The following CEACAM20 variants were observed in gnomAD, a reference collection of about 807,000 sequenced individuals.
The protein encoded by CEACAM20 is CEA cell adhesion molecule 20.
In CEACAM20, 50 loss-of-function variants were observed where a neutral mutation model predicts 61.2. The observed-to-expected ratio is 0.82, with a 90% CI of 0.65 to 1.03. The LOEUF (loss-of-function observed/expected upper bound fraction) is 1.03. Ranked by LOEUF, CEACAM20 falls within the 50% of genes least tolerant of loss-of-function variation. The probability of loss-of-function intolerance (pLI) is 0.00; values close to 1 mark genes in which losing one functional copy is unlikely to be tolerated. For synonymous variants in CEACAM20, 282 were observed against 287.7 expected, an observed-to-expected ratio of 0.98 and a Z score of 0.20; for missense variants, 683 against 736.4, an observed-to-expected ratio of 0.93 and a Z score of 0.84.
In CEACAM20 at chr19:44,524,088, T is replaced by C; in HGVS notation, c.370A>G (p.Thr124Ala). 3.1e-6 allele frequency: 5 copies of C among 1,596,292 alleles called. No individual in the cohort carries two copies. In the South Asian group the frequency reaches 5.7e-5, roughly 18 times the overall value. The change falls in exon 3 of 12, where the codon ACC (threonine) becomes GCC (alanine). Residue 124 changes from threonine to alanine, a missense_variant. Coordinates refer to ENST00000614924, the MANE Select transcript of CEACAM20 (RefSeq NM_001102597.3). ...MQLSKDGKILTILIVQREDSG... is the reference protein window; with the variant it reads ...MQLSKDGKILAILIVQREDSG... ...TCCTCCCGCTGGACAATGAGAATGG[T>C]GAGGATCTTGCCATCCTTGGACAGC... is the stretch of plus-strand genomic sequence containing the variant.
chr19:44,509,325 G>A, intron 11 of CEACAM20, among the ~76,000 whole-genome samples: 1 of 149,210 alleles, frequency 6.7e-6, no homozygotes, highest in South Asian at 2.1e-4. Flanking sequence ...TAGAAGGAAA[G>A]TATAACATTA....
At chr19:44,512,149 G>T (rs2123563828) in intron 8 of CEACAM20, 71 bp from the exon 9 acceptor site, 1 of 1,123,572 alleles carries the variant, frequency 8.9e-7, no homozygotes, top group Non-Finnish European at 1.3e-6. Flanking sequence ...GTTTTTCCAG[G>T]ACCCCTGACC....
chr19:44,514,879 G>T (rs1040366937), intron 6 of CEACAM20, among the ~76,000 whole-genome samples: 4 of 151,834 alleles, frequency 2.6e-5, no homozygotes, highest in Non-Finnish European at 5.9e-5. Context: ...GCAGTGGCAC[G>T]ATCTTGGCTC....
rs1264137632 is a variant in CEACAM20, at chr19:44,512,067, G to A, written c.1525C>T (p.Pro509Ser). 1.2e-6 allele frequency: 2 copies of A among 1,607,904 alleles called. No individual in the cohort carries two copies. Among genetic ancestry groups the A allele is most frequent in the African/African-American group, 1.3e-5 (1 of 74,878 alleles). The part of the protein sequence containing the change: ...PTEPSSESLS[P>S]EYRNISQLQG... ...AGCTGGGATATATTGCGATACTCAG[G>A]ACTCAGGCTTTCTAGAAAAAGTGAA... Residue 509 changes from proline to serine, a missense_variant, in exon 9 of 12, where the codon CCT (proline) becomes TCT (serine). Pro to Ser is a moderately conservative substitution (Grantham distance 74). Coordinates refer to ENST00000614924, the MANE Select transcript of CEACAM20 (RefSeq NM_001102597.3).
chr19:44,508,812 C>G (rs754982453), intron 11 of CEACAM20, among the ~76,000 whole-genome samples: 2 of 152,186 alleles, frequency 1.3e-5, no homozygotes, highest in Non-Finnish European at 1.5e-5. Flanking sequence ...TATATTTTTA[C>G]TTTTTACCCA....
Position 44,516,946 on chromosome 19 carries a change from C to T in CEACAM20, c.1309G>A (p.Gly437Ser), listed in dbSNP as rs745849568. 5.3e-5 allele frequency: 84 copies of T among 1,594,604 alleles called. 1 individual carries two copies. The Admixed American group carries it at 1.4e-3, about 27-fold the overall frequency. ...RSTSVLVKVV[G>S]PQSSSLSSGA... ...GAGAAGGCGACCCTGAGAGACTCAC[C>T]TACCACCTTGACCAGGACTGAAGTG... The change falls in exon 6 of 12, where the codon GGT becomes AGT. Residue 437 changes from glycine (G) to serine (S), a missense_variant and splice_region_variant. Gly to Ser is a moderately conservative substitution (Grantham distance 56, BLOSUM62 0). Transcript: ENST00000614924.
At chr19:44,519,288 C>A (rs1057328380) in intron 5 of CEACAM20, among the ~76,000 whole-genome samples, 2 of 152,206 alleles carry the variant, frequency 1.3e-5, no homozygotes, top group Admixed American at 6.5e-5. Flanking sequence ...CCATCCCCAG[C>A]AGGCTGTGAA....
At chr19:44,522,524 C>T (rs979459629) in intron 4 of CEACAM20, 110 bp downstream of exon 4, 3 of 1,170,398 alleles carry the variant, frequency 2.6e-6, no homozygotes, top group Non-Finnish European at 3.6e-6. Context: ...GGGATTTCTC[C>T]CTCACACAGT....
chr19:44,520,310 C>T (rs1971314198), intron 5 of CEACAM20, among the ~76,000 whole-genome samples, 164 bp downstream of exon 5: 1 of 152,254 alleles, frequency 6.6e-6, no homozygotes, highest in African/African-American at 2.4e-5. Context: ...TCCACTAGAA[C>T]ATAAGCCCCC....
intron 11 of CEACAM20, among the ~76,000 whole-genome samples, chr19:44,507,325 C>G (rs1305648128): frequency 6.6e-6 from 1 of 152,128 alleles, no homozygotes. Context: ...AAGTTTTTAC[C>G]AGTTCAAAGC....
intron 11 of CEACAM20, among the ~76,000 whole-genome samples, chr19:44,507,200 A>T (rs1226490784): frequency 6.6e-6 from 1 of 152,186 alleles, no homozygotes; most frequent in African/African-American, 2.4e-5. Flanking sequence ...CTAATGAGAT[A>T]TAAGAGGAAG....
intron 2 of CEACAM20, among the ~76,000 whole-genome samples, chr19:44,524,768 A>G (rs978297499): frequency 6.6e-6 from 1 of 151,968 alleles, no homozygotes; most frequent in Non-Finnish European, 1.5e-5. Context: ...TTTTGTACAC[A>G]TGGGGTCCCC....
At chr19:44,513,380 G>C (rs1199980092) in intron 6 of CEACAM20, 91 bp from the exon 7 acceptor site, 4 of 771,608 alleles carry the variant, frequency 5.2e-6, no homozygotes, top group East Asian at 2.7e-5. Context: ...TTTCTCTACT[G>C]ACATTTTGTG....
chr19:44,522,828 G>T lies in CEACAM20; in HGVS notation c.557C>A (p.Thr186Asn), dbSNP rs1351442258. ...GTGAGACTTTGTTTCCGCTAAGAAG[G>T]TCATGCTGGAGCCCTCCATCACCTC... ...VVEVMEGSSM[T>N]FLAETKSHPP... The change falls in exon 4 of 12, where the codon ACC (threonine) becomes AAC (asparagine). Residue 186 changes from threonine (T) to asparagine (N), a missense_variant. By Grantham distance (65) the Thr-to-Asn change is moderately conservative. Transcript: ENST00000614924. 2.5e-6 allele frequency: 4 copies of T among 1,612,668 alleles called. No homozygotes were observed. Among genetic ancestry groups the T allele is most frequent in the Admixed American group, 3.3e-5 (2 of 59,758 alleles).
chr19:44,513,111 G>T, intron 7 of CEACAM20, 61 bp downstream of exon 7: 2 of 1,413,176 alleles, frequency 1.4e-6, no homozygotes, highest in Non-Finnish European at 2.0e-6. Flanking sequence ...AACACGCCCG[G>T]CAAGCGCCCC....
At chr19:44,521,569 A>G in intron 4 of CEACAM20, among the ~76,000 whole-genome samples, 1 of 151,438 alleles carries the variant, frequency 6.6e-6, no homozygotes, top group East Asian at 1.9e-4. Flanking sequence ...GTGGGTTTGT[A>G]TGTATATGCT....
intron 6 of CEACAM20, among the ~76,000 whole-genome samples, chr19:44,514,396 C>A (rs1017313765): frequency 6.6e-6 from 1 of 151,514 alleles, no homozygotes; most frequent in Non-Finnish European, 1.5e-5. Context: ...TTTGGAGGGG[C>A]AGGAGGGAAC....
intron 11 of CEACAM20, among the ~76,000 whole-genome samples, chr19:44,508,315 G>A (rs1448260211): frequency 1.3e-5 from 2 of 152,182 alleles, no homozygotes; most frequent in African/African-American, 4.8e-5. Flanking sequence ...TAGAACTATG[G>A]AGCCATCACT....
chr19:44,512,115 G>T (rs975194312), intron 8 of CEACAM20, 37 bp from the exon 9 acceptor site: 5 of 1,540,032 alleles, frequency 3.2e-6, no homozygotes, highest in African/African-American at 1.4e-5. Flanking sequence ...GCTGGAGTTC[G>T]AAAGAGATAT....
Sources: gnomAD v4.1 joint callset for allele counts (sites outside exome capture counted in the v4.1 genomes callset) on GRCh38, gnomAD v4.1.1 for gene constraint, MANE v1.5 for transcripts, NCBI Gene and HGNC (gene_info 2026-07-23, HGNC 2026-07-21) for gene names.